MYH6: variants seen among roughly 807,000 people sequenced by gnomAD.
MYH6 encodes the protein myosin heavy chain 6.
MYH6 carries 126 observed loss-of-function variants against 223.2 expected under a neutral mutation model. That is an observed-to-expected ratio of 0.56 (90% confidence interval 0.49 to 0.65). The LOEUF is 0.65. Among genes scored for constraint, MYH6 ranks in the 30% least tolerant of loss-of-function variants. MYH6 has a pLI of 0.00. For synonymous variants in MYH6, 978 were observed against 1,010.2 expected (o/e 0.97, Z 0.61); for missense variants, 2,040 against 2,536.4 (o/e 0.80, Z 4.20).
At chr14:23,392,117 C>T (rs1355952413) in intron 25 of MYH6, among the ~76,000 whole-genome samples, 1 of 151,928 alleles carries the variant, frequency 6.6e-6, no homozygotes, top group Non-Finnish European at 1.5e-5. Flanking sequence ...ATCATGAGTG[C>T]CCTATGGGGA....
intron 29 of MYH6, 30 bp from the exon 30 acceptor site, chr14:23,388,368 G>C (rs1754022899): frequency 6.2e-7 from 1 of 1,610,776 alleles, no homozygotes; most frequent in African/African-American, 1.3e-5. Flanking sequence ...GGGTGTGTGT[G>C]TGACTCTACT....
intron 36 of MYH6, among the ~76,000 whole-genome samples, chr14:23,383,922 A>G (rs772363497): frequency 1.3e-4 from 20 of 152,082 alleles, no homozygotes; most frequent in Non-Finnish European, 2.4e-4. Flanking sequence ...GTATCCATCT[A>G]TCAAATGGAC....
In MYH6 at chr14:23,404,301, G is replaced by C. The variant is rs759116118; in HGVS notation, c.730C>G (p.Arg244Gly). 1 of 1,614,246 alleles carries C rather than the reference G, an allele frequency of 6.2e-7. No individual in the cohort carries two copies. The highest frequency in any genetic ancestry group is 2.2e-5 in the East Asian group (1 of 44,880). ...AKTVRNDNSSRFGKFIRIHFG... is the reference protein window; with the variant it reads ...AKTVRNDNSSGFGKFIRIHFG... Reference sequence around the variant, plus strand: ...GAGTGGTCAAAGGCACTCACAAAGCGGGAGGAGTTGTCGTTCCGGACAGTC... The same window carrying C: ...GAGTGGTCAAAGGCACTCACAAAGCCGGAGGAGTTGTCGTTCCGGACAGTC... Residue 244 changes from arginine to glycine, a missense_variant, in exon 8 of 39, where the codon CGC (arginine) becomes GGC (glycine). Arg to Gly is a moderately radical substitution (Grantham distance 125). Coordinates refer to ENST00000405093, the MANE Select transcript of MYH6 (RefSeq NM_002471.4).
intron 25 of MYH6, among the ~76,000 whole-genome samples, chr14:23,391,864 T>A (rs566954261): frequency 3.6e-4 from 55 of 152,346 alleles, no homozygotes; most frequent in African/African-American, 1.3e-3. Flanking sequence ...TGCAGAGGAA[T>A]GAGAAGGCCA....
chr14:23,406,714 G>C (rs1281772212), intron 3 of MYH6, among the ~76,000 whole-genome samples: 1 of 152,202 alleles, frequency 6.6e-6, no homozygotes, highest in Non-Finnish European at 1.5e-5. Flanking sequence ...AGTGCAAGAA[G>C]GGGGCATCAT....
Position 23,382,478 on chromosome 14 carries a change from C to G in MYH6, c.5746G>C (p.Glu1916Gln), listed in dbSNP as rs1454103331. ...GCTCGAAGCTTGTTGACCTGGGACT[C>G]AGCGATGTCCGCCCGCTCCTCTGCC... ...DEAEERADIAESQVNKLRAKS... is the reference protein window; with the variant it reads ...DEAEERADIAQSQVNKLRAKS... The change falls in exon 38 of 39, where the codon GAG becomes CAG. Residue 1916 changes from glutamate (E) to glutamine (Q), a missense_variant. By Grantham distance (29) the Glu-to-Gln change is conservative. Coordinates refer to ENST00000405093, the MANE Select transcript of MYH6 (RefSeq NM_002471.4). The G allele has an allele frequency of 1.2e-6, 2 of 1,614,184 alleles. No individual in the cohort carries two copies. Among genetic ancestry groups the G allele is most frequent in the South Asian group, 1.1e-5 (1 of 91,068 alleles).
At chr14:23,388,797 A>G in intron 29 of MYH6, 62 bp downstream of exon 29, 1 of 1,612,562 alleles carries the variant, frequency 6.2e-7, no homozygotes, top group Non-Finnish European at 8.5e-7. Flanking sequence ...GCCTGTCCCC[A>G]CCCCAGGTCC....
Position 23,386,597 on chromosome 14 carries a change from C to T in MYH6, c.4677G>A (p.Lys1559=). The change falls in exon 33 of 39, where the codon AAG becomes AAA. Residue 1559 remains lysine (K), a synonymous_variant. Transcript: ENST00000405093. ...TGAACTCTAGCTGGGCCCGGAGGAT[C>T]TTGCCCTCCTCGTGCTCCAGGGAGG... The part of the protein sequence containing the change: ...AEASLEHEEG[K]ILRAQLEFNQ... The T allele has an allele frequency of 3.1e-6, 5 of 1,587,926 alleles. No individual in the cohort carries two copies. Among genetic ancestry groups the T allele is most frequent in the South Asian group, 1.1e-5 (1 of 90,566 alleles).
chr14:23,382,334 C>T, intron 38 of MYH6, 94 bp downstream of exon 38: 1 of 1,574,606 alleles, frequency 6.4e-7, no homozygotes, highest in Non-Finnish European at 8.7e-7. Context: ...GAACTGCCTA[C>T]ATATAGGGCA....
At position 23,383,076 on chromosome 14, in the gene MYH6, G is replaced by A. The variant is rs1225948881; in HGVS notation, c.5661+149C>T. 3.9e-6 allele frequency: 3 copies of A among 764,312 alleles called. No individual in the cohort carries two copies. The African/African-American group carries it at 5.2e-5, about 13-fold the overall frequency. 47.3% of individuals were successfully genotyped at this position (764,312 alleles called of 1,614,324 possible). Reference sequence around the variant, plus strand: ...CTTTGTTAATTCAGAACACCTGACAGCTCTGAGCATACCAGATGTGTCAAA... The same window carrying A: ...CTTTGTTAATTCAGAACACCTGACAACTCTGAGCATACCAGATGTGTCAAA... On this transcript the variant is annotated intron_variant, in intron 37 of 38. Coordinates refer to ENST00000405093, the MANE Select transcript of MYH6 (RefSeq NM_002471.4).
In MYH6 at chr14:23,400,865, C is replaced by T. The variant is rs1433770124; in HGVS notation, c.1254G>A (p.Val418=). The T allele has an allele frequency of 6.2e-7, 1 of 1,614,244 alleles. No homozygotes were observed. The highest frequency in any genetic ancestry group is 2.2e-5 in the East Asian group (1 of 44,884). The part of the protein sequence containing the change: ...GNEYVTKGQS[V]QQVYYSIGAL... The stretch of plus-strand genomic sequence containing the variant: ...CCCCGATGGAGTAGTACACCTGCTG[C>T]ACGCTCTGCCCCTTGGTGACATACT... The change falls in exon 13 of 39, where the codon GTG becomes GTA. Residue 418 remains valine (V), a synonymous_variant. Transcript: ENST00000405093.
Position 23,394,183 on chromosome 14 carries a change from TCTTC to T in MYH6, c.2566_2569del (p.Glu856SerfsTer54). 6.2e-7 allele frequency: 1 copy of T among 1,614,218 alleles called. No homozygotes were observed. Among genetic ancestry groups the T allele is most frequent in the Non-Finnish European group, 8.5e-7 (1 of 1,180,032 alleles). On this transcript the variant is annotated frameshift_variant, in exon 21 of 39. Transcript: ENST00000405093. LOFTEE classifies it high-confidence loss of function. ...CAGCGTCTCTTTGATGCGCCCGAAC[TCTTC>T]CTTCATGGTGGCCATCTCCTTCTCC...
chr14:23,385,179 T>C (rs1355731244), intron 34 of MYH6, 138 bp from the exon 35 acceptor site: 1 of 1,014,220 alleles, frequency 9.9e-7, no homozygotes, highest in African/African-American at 1.6e-5. Flanking sequence ...TTGATCGTTT[T>C]GTACCTGCTT....
intron 9 of MYH6, 69 bp from the exon 10 acceptor site, chr14:23,403,515 T>TG: frequency 7.2e-7 from 1 of 1,384,058 alleles, no homozygotes; most frequent in Non-Finnish European, 1.0e-6. Context: ...AAGGTGGCCA[T>TG]GGGGGCAGAG....
In MYH6 at chr14:23,383,336, T is replaced by A; in HGVS notation, c.5566-16A>T. The A allele has an allele frequency of 4.2e-5, 2 of 48,164 alleles. No homozygotes were observed. Among genetic ancestry groups the A allele is most frequent in the Admixed American group, 6.4e-4 (2 of 3,146 alleles). 3.0% of individuals were successfully genotyped at this position (48,164 alleles called of 1,614,324 possible). On this transcript the variant is annotated splice_polypyrimidine_tract_variant and intron_variant, in intron 36 of 38. Transcript: ENST00000405093. ...CTTCCTCTGTCTGGGGGTGGGAGGG[T>A]GGGAGAAGCTGGTTTGGAGGGGGAG... is the stretch of plus-strand genomic sequence containing the variant.
chr14:23,388,778 G>A (rs980032113), intron 29 of MYH6, 81 bp downstream of exon 29: 7 of 1,598,446 alleles, frequency 4.4e-6, no homozygotes, highest in Non-Finnish European at 4.3e-6. Flanking sequence ...TCCGTCTCAT[G>A]ACCACTTTGC....
At chr14:23,395,376 A>G (rs1202318713) in intron 20 of MYH6, among the ~76,000 whole-genome samples, 1 of 152,214 alleles carries the variant, frequency 6.6e-6, no homozygotes, top group Non-Finnish European at 1.5e-5. Context: ...CTATTTACCC[A>G]TTCCCCTGTG....
In MYH6 at chr14:23,402,563, C is replaced by T. The variant is rs1002843684; in HGVS notation, c.1042G>A (p.Ala348Thr). 6.2e-6 allele frequency: 10 copies of T among 1,613,828 alleles called. No individual in the cohort carries two copies. The highest frequency in any genetic ancestry group is 1.6e-4 in the Middle Eastern group (1 of 6,062). ...GCTCCCGTCAGCTTGTAGACGCCAG[C>T]TTTCTCCTCTGAAGTGAAGCCCAGC... ...DVLGFTSEEK[A>T]GVYKLTGAIM... is the part of the protein sequence containing the mutation. Residue 348 changes from alanine (A) to threonine (T), a missense_variant, in exon 12 of 39, where the codon GCT (alanine) becomes ACT (threonine). Physicochemically the swap from Ala to Thr is moderately conservative, Grantham distance 58. This residue lies in a region of MYH6 where 649 missense variants were observed against 877.3 expected (regional missense o/e 0.74). Coordinates refer to ENST00000405093, the MANE Select transcript of MYH6 (RefSeq NM_002471.4).
intron 20 of MYH6, among the ~76,000 whole-genome samples, chr14:23,395,783 C>T (rs1489845636): frequency 3.3e-5 from 5 of 152,104 alleles, no homozygotes; most frequent in African/African-American, 1.2e-4. Flanking sequence ...CCGCCTCGGC[C>T]TCCCAAAGTG....
Sources: gnomAD v4.1 joint callset for allele counts (sites outside exome capture counted in the v4.1 genomes callset) on GRCh38, gnomAD v4.1.1 for gene constraint, gnomAD v4.1.1 regional missense constraint, MANE v1.5 for transcripts, NCBI Gene and HGNC (gene_info 2026-07-23, HGNC 2026-07-21) for gene names.